Variants in MYH2 observed in about 807,000 individuals in gnomAD.
The protein encoded by MYH2 is myosin heavy chain 2, also known as myosin-2.
Under a neutral mutation model 228.1 loss-of-function variants are expected in MYH2, and 139 were observed. The observed-to-expected ratio is 0.61, with a 90% CI of 0.53 to 0.70. MYH2 has a LOEUF of 0.70. Among genes scored for constraint, MYH2 ranks in the 30% least tolerant of loss-of-function variants. MYH2 has a pLI of 0.00. For synonymous variants in MYH2, 796 were observed against 871.1 expected (o/e 0.91, Z 1.52); for missense variants, 1,809 against 2,357.5 (o/e 0.77, Z 4.82).
In MYH2 at chr17:10,524,747, A is replaced by G. The variant is rs2073328902; in HGVS notation, c.4971+10T>C. ...CAATAGTCCTGGGACCATCTCTTGG[A>G]CATATTTACCTTGAGGATGCCTTGG... On this transcript the variant is annotated intron_variant, in intron 34 of 39. Transcript: ENST00000245503. This position sits in a 1 kb window ranked among gnomAD's most constrained non-coding sequence, Gnocchi z 4.7. The G allele has an allele frequency of 6.2e-7, 1 of 1,614,006 alleles. No individual in the cohort carries two copies. The highest frequency in any genetic ancestry group is 1.3e-5 in the African/African-American group (1 of 74,906).
Position 10,525,039 on chromosome 17 carries a change from C to A in MYH2, c.4689G>T (p.Lys1563Asn). The stretch of plus-strand genomic sequence containing the variant: ...TCAACTCAAGCTGGATGCGCAGGAT[C>A]TTTCCCTCTTCATGTTCAAGAGATG... ...AEASLEHEEG[K>N]ILRIQLELNQ... The change falls in exon 34 of 40, where the codon AAG becomes AAT. Residue 1563 changes from lysine to asparagine, a missense_variant. Coordinates refer to ENST00000245503, the MANE Select transcript of MYH2 (RefSeq NM_017534.6). The surrounding 1 kb of genome is among the most constrained non-coding windows in gnomAD (Gnocchi z 4.2). 2 of 1,614,144 alleles carry A rather than the reference C, an allele frequency of 1.2e-6. No individual in the cohort carries two copies. The highest frequency in any genetic ancestry group is 1.6e-4 in the Middle Eastern group (1 of 6,062).
chr17:10,534,575 C>T (rs2073461099), intron 19 of MYH2, among the ~76,000 whole-genome samples: 1 of 152,188 alleles, frequency 6.6e-6, no homozygotes, highest in African/African-American at 2.4e-5. Flanking sequence ...CCTGATAAAT[C>T]CAATGAAAAT....
rs150829316 is a variant in MYH2, at chr17:10,528,706, G to A, written c.3728C>T (p.Thr1243Met). The A allele has an allele frequency of 1.3e-4, 214 of 1,614,024 alleles. No individual in the cohort carries two copies. Among genetic ancestry groups the A allele is most frequent in the African/African-American group, 4.1e-4 (31 of 75,032 alleles). Residue 1243 changes from threonine (T) to methionine (M), a missense_variant, in exon 27 of 40, where the codon ACG (threonine) becomes ATG (methionine). Physicochemically the swap from Thr to Met is moderately conservative, Grantham distance 81 (BLOSUM62 -1). Transcript: ENST00000245503. ...EIDDLASNVETVSKAKGNLEK... is the reference protein window; with the variant it reads ...EIDDLASNVEMVSKAKGNLEK... ...TTGTAGTACCTTGGCTTTGGAGACC[G>A]TTTCTACATTACTAGCAAGGTCATC...
chr17:10,527,020 A>G lies in MYH2; in HGVS notation c.3908T>C (p.Leu1303Pro). ...TTTGCCTCTTGATAACTGAGACACCAGAGCTTCCTTTTCATCAAGCTGGCG... is the reference window on the plus strand; with the variant it reads ...TTTGCCTCTTGATAACTGAGACACCGGAGCTTCCTTTTCATCAAGCTGGCG... The part of the protein sequence containing the change: ...FSRQLDEKEA[L>P]VSQLSRGKQA... Residue 1303 changes from leucine (L) to proline (P), a missense_variant, in exon 29 of 40, where the codon CTG becomes CCG. Physicochemically the swap from Leu to Pro is moderately conservative, Grantham distance 98. This residue lies in a region of MYH2 where 636 missense variants were observed against 729.9 expected (regional missense o/e 0.87). Transcript: ENST00000245503. 1.2e-6 allele frequency: 2 copies of G among 1,614,196 alleles called. No homozygotes were observed. Among genetic ancestry groups the G allele is most frequent in the Non-Finnish European group, 1.7e-6 (2 of 1,180,034 alleles).
intron 10 of MYH2, among the ~76,000 whole-genome samples, chr17:10,542,190 C>A (rs980829881): frequency 7.9e-5 from 12 of 152,278 alleles, no homozygotes; most frequent in Non-Finnish European, 1.6e-4. Flanking sequence ...GGGAGAATCG[C>A]TTGAACCTGG....
chr17:10,522,995 A>C (rs2073302538), intron 39 of MYH2, 95 bp downstream of exon 39: 1 of 816,278 alleles, frequency 1.2e-6, no homozygotes, highest in Non-Finnish European at 2.1e-6. Context: ...TTAAATATGC[A>C]TGCAGTAGTC....
intron 39 of MYH2, 137 bp from the exon 40 acceptor site, chr17:10,521,569 T>G (rs967684792): frequency 9.3e-6 from 6 of 648,480 alleles, no homozygotes; most frequent in Non-Finnish European, 1.6e-5. Context: ...TTAAGATTTG[T>G]TTATTGATGT....
intron 11 of MYH2, 34 bp from the exon 12 acceptor site, chr17:10,540,100 T>C (rs955669537): frequency 1.9e-5 from 31 of 1,613,584 alleles, no homozygotes; most frequent in Non-Finnish European, 2.5e-5. Context: ...GCTGTTAGGT[T>C]GTGATCCACA....
chr17:10,540,150 A>G, intron 11 of MYH2, 84 bp from the exon 12 acceptor site: 1 of 1,582,150 alleles, frequency 6.3e-7, no homozygotes, highest in Non-Finnish European at 8.7e-7. Context: ...TGCTGGCCTG[A>G]GGAAACTACC....
chr17:10,539,804 T>A (rs900561876), intron 12 of MYH2, 124 bp downstream of exon 12: 2 of 1,406,824 alleles, frequency 1.4e-6, no homozygotes, highest in African/African-American at 2.8e-5. Flanking sequence ...TATTTAGGTA[T>A]ACAGATACTT....
rs762078494 is a variant in MYH2, at chr17:10,523,875, G to C, written c.5185C>G (p.Leu1729Val). 1.1e-5 allele frequency: 17 copies of C among 1,613,310 alleles called. No individual in the cohort carries two copies. The African/African-American group carries it at 2.3e-4, about 22-fold the overall frequency. ...VQLLHTQNTS[L>V]INTKKKLETD... The stretch of plus-strand genomic sequence containing the variant: ...TCCAGCTTCTTCTTGGTGTTGATCA[G>C]GCTGGTGTTCTGTTTAAAAAGAATT... The change falls in exon 36 of 40, where the codon CTG becomes GTG. Residue 1729 changes from leucine to valine, a missense_variant. This residue lies in a region of MYH2 where 278 missense variants were observed against 308.5 expected (regional missense o/e 0.90). Coordinates refer to ENST00000245503, the MANE Select transcript of MYH2 (RefSeq NM_017534.6).
In MYH2 at chr17:10,536,557, A is replaced by G; in HGVS notation, c.1947T>C (p.Ser649=). The change falls in exon 17 of 40, where the codon TCT becomes TCC. Residue 649 remains serine (S), a synonymous_variant. Coordinates refer to ENST00000245503, the MANE Select transcript of MYH2 (RefSeq NM_017534.6). ...TGAAAAGGGCAGACACTGTCTGGAAAGAAGAGCCCTTCTTCTTACCACCTT... is the reference window on the plus strand; with the variant it reads ...TGAAAAGGGCAGACACTGTCTGGAAGGAAGAGCCCTTCTTCTTACCACCTT... ...AKKGGKKKGS[S]FQTVSALFRE... 1.2e-6 allele frequency: 2 copies of G among 1,614,034 alleles called. No homozygotes were observed. The highest frequency in any genetic ancestry group is 1.1e-5 in the South Asian group (1 of 91,060).
At chr17:10,542,409 G>A (rs1597457017) in intron 10 of MYH2, among the ~76,000 whole-genome samples, 1 of 152,192 alleles carries the variant, frequency 6.6e-6, no homozygotes, top group East Asian at 1.9e-4. Context: ...AGAGGGTATG[G>A]TTAAGTAATT....
chr17:10,524,519 C>T lies in MYH2; in HGVS notation c.5122G>A (p.Ala1708Thr), dbSNP rs147813930. ...CTGGCATCCAGGAGCTCCTGTTCTG[C>T]GATTTTTCTGCTCCTCTCTGTCTGT... ...LEQTERSRKIAEQELLDASER... is the reference protein window; with the variant it reads ...LEQTERSRKITEQELLDASER... Residue 1708 changes from alanine to threonine, a missense_variant, in exon 35 of 40, where the codon GCA becomes ACA. This residue lies in a region of MYH2 where 278 missense variants were observed against 308.5 expected (regional missense o/e 0.90). Transcript: ENST00000245503. This position sits in a 1 kb window ranked among gnomAD's most constrained non-coding sequence, Gnocchi z 4.7. 344 of 1,614,204 alleles carry T rather than the reference C, an allele frequency of 2.1e-4. 1 individual carries two copies. In the Middle Eastern group the frequency reaches 2.1e-3, roughly 10 times the overall value.
rs1371542744 is a variant in MYH2 at position 10,525,943 on chromosome 17, A to C, written c.4188-67T>G. On this transcript the variant is annotated intron_variant, in intron 30 of 39. Transcript: ENST00000245503. The surrounding 1 kb of genome is among the most constrained non-coding windows in gnomAD (Gnocchi z 4.2). Reference sequence around the variant, plus strand: ...TATGAATTATGAGCTATTGCCACACACGCTGAAGAGTGTTAGAAACTTCAC... The same window carrying C: ...TATGAATTATGAGCTATTGCCACACCCGCTGAAGAGTGTTAGAAACTTCAC... 1.3e-6 allele frequency: 2 copies of C among 1,536,630 alleles called. No homozygotes were observed. The highest frequency in any genetic ancestry group is 1.8e-6 in the Non-Finnish European group (2 of 1,119,392).
rs754666146 is a variant in MYH2 at position 10,525,652 on chromosome 17, A to G, written c.4372-36T>C. On this transcript the variant is annotated intron_variant, in intron 31 of 39. Coordinates refer to ENST00000245503, the MANE Select transcript of MYH2 (RefSeq NM_017534.6). This position sits in a 1 kb window ranked among gnomAD's most constrained non-coding sequence, Gnocchi z 4.2. ...AAGACCTGTTACCTGCTGCAAAGAC[A>G]AAAGAGTAGAGTAAAGAGCAGAAGA... The G allele has an allele frequency of 9.9e-6, 16 of 1,614,078 alleles. No homozygotes were observed. The African/African-American group carries it at 2.0e-4, about 20-fold the overall frequency.
At chr17:10,540,192 T>A in intron 11 of MYH2, 126 bp from the exon 12 acceptor site, 1 of 1,318,476 alleles carries the variant, frequency 7.6e-7, no homozygotes, top group Non-Finnish European at 1.1e-6. Context: ...ACCCCTTAGA[T>A]TGGGTATATA....
In MYH2 at chr17:10,537,913, A is replaced by T. The variant is rs1567734044; in HGVS notation, c.1417-78T>A. 1 of 1,609,148 alleles carries T rather than the reference A, an allele frequency of 6.2e-7. No individual in the cohort carries two copies. The highest frequency in any genetic ancestry group is 8.5e-7 in the Non-Finnish European group (1 of 1,176,772). On this transcript the variant is annotated intron_variant, in intron 14 of 39. Transcript: ENST00000245503. The surrounding 1 kb of genome is among the most constrained non-coding windows in gnomAD (Gnocchi z 4.0). The stretch of plus-strand genomic sequence containing the variant: ...AAATACAGAACTTTTCCATTTTAAA[A>T]ATATGTGTCCAAGAGCCTTTATATT...
At chr17:10,522,469 G>T (rs1317604836) in intron 39 of MYH2, among the ~76,000 whole-genome samples, 1 of 151,872 alleles carries the variant, frequency 6.6e-6, no homozygotes, top group Non-Finnish European at 1.5e-5. Flanking sequence ...AAATATTACT[G>T]AAGTTATCAA....
Sources: gnomAD v4.1 joint callset for allele counts (sites outside exome capture counted in the v4.1 genomes callset) on GRCh38, gnomAD v4.1.1 for gene constraint, gnomAD v4.1.1 regional missense constraint, Gnocchi (gnomAD v3.1) non-coding constraint, MANE v1.5 for transcripts, NCBI Gene and HGNC (gene_info 2026-07-23, HGNC 2026-07-21) for gene names.